Variants in LSAMP observed in about 807,000 individuals in gnomAD.
LSAMP encodes the protein limbic system-associated membrane protein.
Under a neutral mutation model 38.6 loss-of-function variants are expected in LSAMP, and 7 were observed. That is an observed-to-expected ratio of 0.18 (90% CI 0.10 to 0.34). The LOEUF (loss-of-function observed/expected upper bound fraction) is 0.34. Ranked by LOEUF, LSAMP falls within the 10% of genes least tolerant of loss-of-function variation. The pLI is 1.00. For synonymous variants in LSAMP, 154 were observed against 166.8 expected (o/e 0.92, Z 0.59); for missense variants, 313 against 420.0 (o/e 0.75, Z 2.23).
At chr3:116,118,947 G>T (rs1708813398) in intron 1 of LSAMP, among the ~76,000 whole-genome samples, 1 of 152,100 alleles carries the variant, frequency 6.6e-6, no homozygotes, top group Admixed American at 6.5e-5. Context: ...ATGCCCTGGG[G>T]ATCGTTTAAA....
At chr3:116,333,813 AAC>A (rs1455407083) in intron 1 of LSAMP, among the ~76,000 whole-genome samples, 1 of 151,886 alleles carries the variant, frequency 6.6e-6, no homozygotes, top group African/African-American at 2.4e-5. Context: ...AAAATTAAAA[AAC>A]AAACTCATTT....
intron 2 of LSAMP, among the ~76,000 whole-genome samples, chr3:116,034,670 T>C (rs1237556952): frequency 1.3e-5 from 2 of 152,200 alleles, no homozygotes; most frequent in Non-Finnish European, 2.9e-5. Context: ...GCTAATGCTT[T>C]TTCATTAATT....
At chr3:116,070,526 C>T (rs2107379676) in intron 2 of LSAMP, among the ~76,000 whole-genome samples, 2 of 152,226 alleles carry the variant, frequency 1.3e-5, no homozygotes, top group East Asian at 1.9e-4. Flanking sequence ...CAAATTATGT[C>T]AGTAAATGGT....
chr3:116,086,535 G>A lies in LSAMP; in HGVS notation c.177C>T (p.Asn59=). The part of the protein sequence containing the change: ...AILRCVVEDK[N]SKVAWLNRSG... ...AACGGTTCAACCAGGCCACCTTTGA[G>A]TTCTTGTCTTCTACAACGCACCTGA... The change falls in exon 2 of 7, where the codon AAC becomes AAT. Residue 59 remains asparagine, a synonymous_variant. Transcript: ENST00000490035. The A allele has an allele frequency of 6.2e-7, 1 of 1,614,156 alleles. No homozygotes were observed. Among genetic ancestry groups the A allele is most frequent in the Non-Finnish European group, 8.5e-7 (1 of 1,180,010 alleles).
At chr3:116,221,580 C>T (rs1412526235) in intron 1 of LSAMP, among the ~76,000 whole-genome samples, 1 of 152,120 alleles carries the variant, frequency 6.6e-6, no homozygotes, top group Non-Finnish European at 1.5e-5. Context: ...GTGTGTCCTT[C>T]TAGACAGAAA....
chr3:115,994,833 G>A (rs1228324997), intron 3 of LSAMP, among the ~76,000 whole-genome samples: 2 of 152,168 alleles, frequency 1.3e-5, no homozygotes, highest in East Asian at 3.9e-4. Context: ...CATTCTACAT[G>A]GATAGAGATT....
chr3:115,886,947 A>G (rs1424603829), intron 3 of LSAMP, among the ~76,000 whole-genome samples: 1 of 151,940 alleles, frequency 6.6e-6, no homozygotes, highest in East Asian at 1.9e-4. Context: ...TCTTGGATAA[A>G]CATGCTCAAC....
At chr3:116,343,613 T>C (rs2048025471) in intron 1 of LSAMP, among the ~76,000 whole-genome samples, 1 of 152,144 alleles carries the variant, frequency 6.6e-6, no homozygotes, top group Non-Finnish European at 1.5e-5. Context: ...GCAATCTTTA[T>C]GATAGATTCA....
chr3:116,166,823 G>A (rs1253015737), intron 1 of LSAMP, among the ~76,000 whole-genome samples: 2 of 114,326 alleles, frequency 1.7e-5, no homozygotes, highest in African/African-American at 7.0e-5. Flanking sequence ...GTCTCACTCT[G>A]TCTGTCACCC....
rs1941443819 is a variant in LSAMP, at chr3:116,054,029, C to A, written c.388+32295G>T. Among the ~76,000 whole-genome samples, 2 of 152,104 alleles carry A rather than the reference C, an allele frequency of 1.3e-5. 1 individual carries two copies. The highest frequency in any genetic ancestry group is 4.1e-4 in the South Asian group (2 of 4,826). ...CTTACAGTTTTAGAGATCAGATGTC[C>A]AAAATGGGCCTCACTGGGCTAAAAG... On this transcript the variant is annotated intron_variant, in intron 2 of 6. Transcript: ENST00000490035.
chr3:115,895,098 C>CT (rs1406174681), intron 3 of LSAMP, among the ~76,000 whole-genome samples: 1 of 152,086 alleles, frequency 6.6e-6, no homozygotes. Context: ...TCTTGCTATG[C>CT]TTCCCTCCCA....
At chr3:115,867,714 C>A (rs966139181) in intron 3 of LSAMP, among the ~76,000 whole-genome samples, 1 of 152,046 alleles carries the variant, frequency 6.6e-6, no homozygotes, top group African/African-American at 2.4e-5. Flanking sequence ...CTCACAGATG[C>A]CTCCAGAAAA....
intron 1 of LSAMP, among the ~76,000 whole-genome samples, chr3:116,112,865 C>T (rs796687881): frequency 3.3e-5 from 5 of 152,286 alleles, no homozygotes; most frequent in African/African-American, 1.2e-4. Context: ...TTTTGAATCT[C>T]AGTGTTGCAG....
At chr3:115,876,665 A>G (rs190095777) in intron 3 of LSAMP, among the ~76,000 whole-genome samples, 1 of 152,202 alleles carries the variant, frequency 6.6e-6, no homozygotes, top group Non-Finnish European at 1.5e-5. Flanking sequence ...CTCCTCATCC[A>G]GCGCTTTCTA....
At chr3:116,109,896 T>C (rs1708560504) in intron 1 of LSAMP, among the ~76,000 whole-genome samples, 2 of 149,954 alleles carry the variant, frequency 1.3e-5, no homozygotes, top group South Asian at 2.1e-4. Context: ...AAATAAGGGA[T>C]TGGGGCACAG....
intron 3 of LSAMP, among the ~76,000 whole-genome samples, chr3:115,924,114 A>G (rs540166642): frequency 6.6e-6 from 1 of 152,152 alleles, no homozygotes; most frequent in Non-Finnish European, 1.5e-5. Flanking sequence ...CACATTAGCA[A>G]AGATACTAAA....
At chr3:116,327,394 G>A (rs889904551) in intron 1 of LSAMP, among the ~76,000 whole-genome samples, 3 of 151,824 alleles carry the variant, frequency 2.0e-5, no homozygotes, top group Admixed American at 6.6e-5. Flanking sequence ...CTCTATGTAC[G>A]GAATATTCTT....
At chr3:115,843,389 A>G (rs1341339187) in intron 4 of LSAMP, among the ~76,000 whole-genome samples, 1 of 152,224 alleles carries the variant, frequency 6.6e-6, no homozygotes, top group African/African-American at 2.4e-5. Flanking sequence ...GAGGATGGAA[A>G]GAGTGTTTGC....
chr3:116,172,004 G>C (rs1042833023), intron 1 of LSAMP, among the ~76,000 whole-genome samples: 7 of 151,874 alleles, frequency 4.6e-5, no homozygotes, highest in African/African-American at 1.7e-4. Flanking sequence ...ACTTATTTTA[G>C]TGCACAATTT....
Sources: gnomAD v4.1 joint callset for allele counts (sites outside exome capture counted in the v4.1 genomes callset) on GRCh38, gnomAD v4.1.1 for gene constraint, MANE v1.5 for transcripts, NCBI Gene and HGNC (gene_info 2026-07-23, HGNC 2026-07-21) for gene names.